The following DPP10 variants were observed in gnomAD, a reference collection of about 807,000 sequenced individuals.
The protein encoded by DPP10 is dipeptidyl peptidase like 10.
Under a neutral mutation model 120.9 loss-of-function variants are expected in DPP10, and 33 were observed. The ratio of observed to expected loss-of-function variants is 0.27; its 90% confidence interval spans 0.21 to 0.37. The LOEUF (loss-of-function observed/expected upper bound fraction) is 0.37, where lower values mean the gene tolerates loss of function less well. DPP10 is among the 10% of genes least tolerant of loss of function. DPP10 has a pLI of 1.00. For synonymous variants in DPP10, 337 were observed against 326.1 expected (o/e 1.03, Z -0.36); for missense variants, 816 against 942.8 (o/e 0.87, Z 1.76).
At chr2:115,448,441 A>G (rs2072815383) in intron 3 of DPP10, among the ~76,000 whole-genome samples, 1 of 152,214 alleles carries the variant, frequency 6.6e-6, no homozygotes, top group Non-Finnish European at 1.5e-5. Context: ...CCCTTGAACT[A>G]AAGCTAAAGC....
intron 10 of DPP10, 94 bp from the exon 11 acceptor site, chr2:115,753,080 G>A: frequency 2.5e-6 from 3 of 1,201,810 alleles, no homozygotes; most frequent in Non-Finnish European, 3.4e-6. Flanking sequence ...TAGTGGTTCA[G>A]TTATTCTTAT....
At chr2:114,660,280 T>C (rs1037245522) in intron 1 of DPP10, among the ~76,000 whole-genome samples, 4 of 152,306 alleles carry the variant, frequency 2.6e-5, no homozygotes, top group East Asian at 1.9e-4. Flanking sequence ...ATGCATATAT[T>C]AGCTGGAAAA....
intron 1 of DPP10, among the ~76,000 whole-genome samples, chr2:115,215,262 C>T (rs907226491): frequency 1.3e-5 from 2 of 152,018 alleles, no homozygotes; most frequent in Non-Finnish European, 2.9e-5. Flanking sequence ...GAAGAAATAT[C>T]TTTGTTTGTT....
chr2:115,141,206 C>T (rs573218653), intron 1 of DPP10, among the ~76,000 whole-genome samples: 3 of 152,290 alleles, frequency 2.0e-5, no homozygotes, highest in Non-Finnish European at 4.4e-5. Context: ...ATTCTCATTG[C>T]TTCTACTCAG....
chr2:114,827,129 T>C (rs1686625660), intron 1 of DPP10, among the ~76,000 whole-genome samples: 1 of 152,124 alleles, frequency 6.6e-6, no homozygotes, highest in South Asian at 2.1e-4. Context: ...GAAAAGGATG[T>C]TAAGTTCTCT....
intron 5 of DPP10, among the ~76,000 whole-genome samples, chr2:115,631,032 C>T (rs1228237937): frequency 7.2e-6 from 1 of 138,066 alleles, no homozygotes; most frequent in Non-Finnish European, 1.5e-5. Context: ...ACATCTGATC[C>T]TGGGCTTTTT....
intron 3 of DPP10, among the ~76,000 whole-genome samples, chr2:115,346,167 T>C (rs1391319529): frequency 1.3e-5 from 2 of 152,206 alleles, no homozygotes; most frequent in Admixed American, 1.3e-4. Flanking sequence ...ACTTGGCCTA[T>C]TTACGTATTC....
At chr2:115,424,680 A>G (rs1406664444) in intron 3 of DPP10, among the ~76,000 whole-genome samples, 1 of 152,100 alleles carries the variant, frequency 6.6e-6, no homozygotes, top group Non-Finnish European at 1.5e-5. Flanking sequence ...TAAAATTGAG[A>G]ACCTTAAAAT....
chr2:115,645,979 T>C (rs2087210977), intron 5 of DPP10, among the ~76,000 whole-genome samples: 1 of 152,166 alleles, frequency 6.6e-6, no homozygotes, highest in Non-Finnish European at 1.5e-5. Flanking sequence ...TAAGGCGTTA[T>C]GTTTTGTTTT....
At chr2:115,420,350 G>A (rs1029585473) in intron 3 of DPP10, among the ~76,000 whole-genome samples, 3 of 152,128 alleles carry the variant, frequency 2.0e-5, no homozygotes, top group Non-Finnish European at 2.9e-5. Context: ...GTATAAACAA[G>A]CATGCTTGCA....
chr2:114,452,115 T>G (rs1394434123), intron 1 of DPP10, among the ~76,000 whole-genome samples: 1 of 152,178 alleles, frequency 6.6e-6, no homozygotes. Context: ...TCCTCTTTAA[T>G]ATTTGAAAAT....
chr2:114,533,944 T>C (rs988667761), intron 1 of DPP10, among the ~76,000 whole-genome samples: 1 of 152,212 alleles, frequency 6.6e-6, no homozygotes, highest in Non-Finnish European at 1.5e-5. Flanking sequence ...AGGAACTTCT[T>C]TTGAAATATT....
intron 1 of DPP10, among the ~76,000 whole-genome samples, chr2:114,655,746 G>A (rs1214338386): frequency 2.0e-5 from 3 of 151,912 alleles, no homozygotes; most frequent in Non-Finnish European, 4.4e-5. Flanking sequence ...TTTTATATCC[G>A]AATGTAAGGA....
At chr2:115,821,667 T>C (rs1343517910) in intron 21 of DPP10, among the ~76,000 whole-genome samples, 1 of 151,766 alleles carries the variant, frequency 6.6e-6, no homozygotes, top group Non-Finnish European at 1.5e-5. Context: ...TTTATTTGAA[T>C]TGATTATTTT....
At chr2:115,772,000 T>C (rs1034293234) in intron 13 of DPP10, among the ~76,000 whole-genome samples, 1 of 149,384 alleles carries the variant, frequency 6.7e-6, no homozygotes, top group African/African-American at 2.5e-5. Context: ...TTTAGTGGGT[T>C]TTTTTTTTTC....
At chr2:115,488,720 G>A (rs560059692) in intron 3 of DPP10, among the ~76,000 whole-genome samples, 36 of 124,546 alleles carry the variant, frequency 2.9e-4, no homozygotes, top group Non-Finnish European at 5.3e-4. Context: ...TCACACTCCT[G>A]GGACTGTGGT....
chr2:115,621,917 G>A (rs1038519686), intron 5 of DPP10, among the ~76,000 whole-genome samples: 2 of 151,904 alleles, frequency 1.3e-5, no homozygotes, highest in Non-Finnish European at 2.9e-5. Context: ...ACCTCAGGTG[G>A]TCCGCCTGTC....
chr2:115,841,247 CATAAT>C lies in DPP10; in HGVS notation c.2256+426_2256+430del, dbSNP rs200352874. Among the ~76,000 whole-genome samples, 781 of 151,504 alleles carry C rather than the reference CATAAT, an allele frequency of 5.2e-3. 10 individuals are homozygous for C. Among genetic ancestry groups the C allele is most frequent in the African/African-American group, 0.018 (734 of 41,330 alleles). Reference sequence around the variant, plus strand: ...TTTAAATATGATAATTTATAATTCTCATAATAAATAGTGGATAAAAAATGTTTGGG... The same window carrying C: ...TTTAAATATGATAATTTATAATTCTCAAATAGTGGATAAAAAATGTTTGGG... On this transcript the variant is annotated intron_variant, in intron 25 of 25. Transcript: ENST00000410059.
chr2:115,582,665 T>C (rs1245722607), intron 5 of DPP10, among the ~76,000 whole-genome samples: 1 of 152,206 alleles, frequency 6.6e-6, no homozygotes, highest in Admixed American at 6.5e-5. Context: ...ATGTTTTATA[T>C]TTCCAAGCAG....
Sources: allele counts gnomAD v4.1 joint callset (sites outside exome capture counted in the v4.1 genomes callset), GRCh38; gene constraint gnomAD v4.1.1; transcripts MANE v1.5; gene names NCBI Gene and HGNC (gene_info 2026-07-23, HGNC 2026-07-21).